Variants in CEP104 observed in about 807,000 individuals in gnomAD.
CEP104 encodes the protein centrosomal protein of 104 kDa.
A neutral mutation model predicts 113.3 loss-of-function variants in CEP104; 84 were observed. The observed-to-expected ratio is 0.74, with a 90% CI of 0.62 to 0.89. The LOEUF is 0.89. Among genes scored for constraint, CEP104 ranks in the 40% least tolerant of loss-of-function variants. CEP104 has a pLI of 0.00. For synonymous variants in CEP104, 378 were observed against 421.7 expected (o/e 0.90, Z 1.27); for missense variants, 1,053 against 1,156.6 (o/e 0.91, Z 1.30).
At chr1:3,832,337 C>T (rs567614068) in intron 12 of CEP104, among the ~76,000 whole-genome samples, 3 of 151,734 alleles carry the variant, frequency 2.0e-5, no homozygotes, top group Non-Finnish European at 4.4e-5. Flanking sequence ...TAGTGTAGGT[C>T]GTAACCAGGA....
At chr1:3,839,982 G>C (rs747868008) in intron 6 of CEP104, among the ~76,000 whole-genome samples, 1 of 152,164 alleles carries the variant, frequency 6.6e-6, no homozygotes, top group African/African-American at 2.4e-5. Flanking sequence ...TGACTCCAAA[G>C]CTCACGCTCT....
chr1:3,831,294 A>T, intron 12 of CEP104, 72 bp from the exon 13 acceptor site: 1 of 1,345,732 alleles, frequency 7.4e-7, no homozygotes, highest in Non-Finnish European at 1.0e-6. Flanking sequence ...ATTCAGCATG[A>T]TCTTAAACTA....
rs1173386682 is a variant in CEP104 at position 3,813,436 on chromosome 1, G to T, written c.*1966C>A. The T allele has an allele frequency of 6.6e-6, 1 of 150,902 alleles. No individual in the cohort carries two copies. The highest frequency in any genetic ancestry group is 6.6e-5 in the Admixed American group (1 of 15,174). 9.3% of individuals were successfully genotyped at this position (150,902 alleles called of 1,614,324 possible). A position where few individuals can be genotyped will look rare whatever the true frequency, so the allele number is the denominator to read the frequency against. On this transcript the variant is annotated 3_prime_UTR_variant, in exon 22 of 22. Transcript: ENST00000378230. The stretch of plus-strand genomic sequence containing the variant: ...ATTTTTGTATTTTTAGTAGAGATGG[G>T]GTTTCACCATGTTGGCCAGGCTGGT...
intron 2 of CEP104, among the ~76,000 whole-genome samples, chr1:3,849,987 C>T (rs138442009): frequency 6.6e-6 from 1 of 152,208 alleles, no homozygotes; most frequent in Non-Finnish European, 1.5e-5. Context: ...TATACAGATA[C>T]CTACTTGTGT....
At position 3,816,833 on chromosome 1, in the gene CEP104, T is replaced by G. The variant is rs150846576; in HGVS notation, c.2572-463A>C. Among the ~76,000 whole-genome samples, 135 of 152,400 alleles carry G rather than the reference T, an allele frequency of 8.9e-4. 1 individual carries two copies. Among genetic ancestry groups the G allele is most frequent in the African/African-American group, 3.1e-3 (131 of 41,602 alleles). On this transcript the variant is annotated intron_variant, in intron 20 of 21. Coordinates refer to ENST00000378230, the MANE Select transcript of CEP104 (RefSeq NM_014704.4). ...CCTGCTCTTCCTGAGCCACGCCACA[T>G]GCACTTGCCCTGCAGAATGTGGGGC...
intron 20 of CEP104, among the ~76,000 whole-genome samples, chr1:3,818,811 T>C (rs1006555765): frequency 6.6e-6 from 1 of 152,332 alleles, no homozygotes; most frequent in African/African-American, 2.4e-5. Context: ...CCAGAACTCT[T>C]TTCATTTTAC....
rs763378208 is a variant in CEP104 at position 3,845,265 on chromosome 1, G to A, written c.489+24C>T. 4.7e-6 allele frequency: 7 copies of A among 1,500,396 alleles called. No homozygotes were observed. In the East Asian group the frequency reaches 1.6e-4, roughly 34 times the overall value. 92.9% of individuals were successfully genotyped at this position (1,500,396 alleles called of 1,614,324 possible). ...CATTATAAATAGATTTACTTCCTTA[G>A]GAATTAAAACTTTCCAAACTTACAG... On this transcript the variant is annotated intron_variant, in intron 5 of 21. Transcript: ENST00000378230.
Position 3,831,206 on chromosome 1 carries a change from T to C in CEP104, c.1676A>G (p.Lys559Arg). ...AATAATTTGGAGAGACTTAACTTCT[T>C]TAAACAAGGCCATTTCCTATGAAAG... ...ANFIQEMALFKEVKSLQIIPS... is the reference protein window; with the variant it reads ...ANFIQEMALFREVKSLQIIPS... The change falls in exon 13 of 22, where the codon AAA becomes AGA. Residue 559 changes from lysine to arginine, a missense_variant. Lys to Arg is a conservative substitution (Grantham distance 26). Transcript: ENST00000378230. The C allele has an allele frequency of 6.2e-7, 1 of 1,613,394 alleles. No individual in the cohort carries two copies. The highest frequency in any genetic ancestry group is 8.5e-7 in the Non-Finnish European group (1 of 1,179,474).
Position 3,852,310 on chromosome 1 carries a change from CCACT to C in CEP104, c.94_97del (p.Ser32GlyfsTer24), listed in dbSNP as rs948728709. 6.2e-7 allele frequency: 1 copy of C among 1,613,852 alleles called. No individual in the cohort carries two copies. On this transcript the variant is annotated frameshift_variant, in exon 2 of 22. Transcript: ENST00000378230. LOFTEE classifies it high-confidence loss of function. ...CAGTCCTCACCTAGGTGACCGCCAC[CCACT>C]GACAGTTGGCGCGTGGATCATGAGC...
intron 1 of CEP104, among the ~76,000 whole-genome samples, chr1:3,852,973 A>G (rs1173325308): frequency 6.6e-6 from 1 of 152,224 alleles, no homozygotes; most frequent in Non-Finnish European, 1.5e-5. Context: ...CCTGCCCTAC[A>G]GCCTCCAGAG....
In CEP104 at chr1:3,844,983, C is replaced by G. The variant is rs140856596; in HGVS notation, c.490G>C (p.Ala164Pro). The G allele has an allele frequency of 5.0e-6, 8 of 1,613,538 alleles. No homozygotes were observed. Among genetic ancestry groups the G allele is most frequent in the East Asian group, 2.2e-5 (1 of 44,892 alleles). The change falls in exon 6 of 22, where the codon GCC becomes CCC. Residue 164 changes from alanine (A) to proline (P), a missense_variant and splice_region_variant. Ala to Pro is a conservative substitution (Grantham distance 27). Transcript: ENST00000378230. ...PADFSDESNT[A>P]SREKLIDHYL... Reference sequence around the variant, plus strand: ...TGGTCAATCAACTTCTCTCGAGAGGCCTTTGGGGGCAAAACATCTGCTTAG... The same window carrying G: ...TGGTCAATCAACTTCTCTCGAGAGGGCTTTGGGGGCAAAACATCTGCTTAG...
At chr1:3,834,099 G>C (rs1644266167) in intron 11 of CEP104, 64 bp from the exon 12 acceptor site, 2 of 1,296,348 alleles carry the variant, frequency 1.5e-6, no homozygotes, top group South Asian at 2.4e-5. Flanking sequence ...AGGAAACATG[G>C]CATTTACTAT....
chr1:3,852,721 C>T (rs569421821), intron 1 of CEP104, among the ~76,000 whole-genome samples: 6 of 152,272 alleles, frequency 3.9e-5, no homozygotes, highest in African/African-American at 9.6e-5. Context: ...CGTGTGGTAC[C>T]CGTGAAGGAG....
In CEP104 at chr1:3,823,820, C is replaced by A. The variant is rs557558686; in HGVS notation, c.2365-258G>T. ...GGGGCCACTGTCAAGGATGGGGAAGCTACGGTCGGCCTGAGTGTGAAGCTT... is the reference window on the plus strand; with the variant it reads ...GGGGCCACTGTCAAGGATGGGGAAGATACGGTCGGCCTGAGTGTGAAGCTT... On this transcript the variant is annotated intron_variant, in intron 18 of 21. Transcript: ENST00000378230. The surrounding 1 kb of genome is among the most constrained non-coding windows in gnomAD (Gnocchi z 4.1). Among the ~76,000 whole-genome samples the A allele has an allele frequency of 6.6e-6, 1 of 152,282 alleles. No individual in the cohort carries two copies.
At chr1:3,826,630 G>A in intron 16 of CEP104, 78 bp downstream of exon 16, 5 of 1,529,998 alleles carry the variant, frequency 3.3e-6, no homozygotes, top group Non-Finnish European at 3.6e-6. Context: ...TTCCCACATG[G>A]AGCTTCCATG....
chr1:3,819,644 C>T lies in CEP104; in HGVS notation c.2572-3274G>A, dbSNP rs1643933631. On this transcript the variant is annotated intron_variant, in intron 20 of 21. Coordinates refer to ENST00000378230, the MANE Select transcript of CEP104 (RefSeq NM_014704.4). This position sits in a 1 kb window ranked among gnomAD's most constrained non-coding sequence, Gnocchi z 4.6. ...AGGAGAAAGGGCAGGGGCCATTCAACTAGAACAGAAAGGAAACACTGGACA... is the reference window on the plus strand; with the variant it reads ...AGGAGAAAGGGCAGGGGCCATTCAATTAGAACAGAAAGGAAACACTGGACA... Among the ~76,000 whole-genome samples, 1 of 152,112 alleles carries T rather than the reference C, an allele frequency of 6.6e-6. No homozygotes were observed. Among genetic ancestry groups the T allele is most frequent in the African/African-American group, 2.4e-5 (1 of 41,418 alleles).
At chr1:3,840,350 C>T (rs1249673165) in intron 6 of CEP104, among the ~76,000 whole-genome samples, 2 of 152,046 alleles carry the variant, frequency 1.3e-5, no homozygotes, top group East Asian at 1.9e-4. Context: ...GATTCTCCTG[C>T]CTCAGCCTCC....
At position 3,845,278 on chromosome 1, in the gene CEP104, T is replaced by A; in HGVS notation, c.489+11A>T. On this transcript the variant is annotated intron_variant, in intron 5 of 21. Coordinates refer to ENST00000378230, the MANE Select transcript of CEP104 (RefSeq NM_014704.4). ...TTTACTTCCTTAGGAATTAAAACTT[T>A]CCAAACTTACAGTATTGCTTTCATC... The A allele has an allele frequency of 6.3e-7, 1 of 1,576,642 alleles. No homozygotes were observed. Among genetic ancestry groups the A allele is most frequent in the Non-Finnish European group, 8.7e-7 (1 of 1,154,738 alleles).
At chr1:3,836,854 A>C in intron 9 of CEP104, 162 bp from the exon 10 acceptor site, 1 of 611,558 alleles carries the variant, frequency 1.6e-6, no homozygotes, top group Non-Finnish European at 2.8e-6. Context: ...TATACAACAA[A>C]TAGGATGTAA....
Sources: allele counts gnomAD v4.1 joint callset (sites outside exome capture counted in the v4.1 genomes callset), GRCh38; gene constraint gnomAD v4.1.1; non-coding constraint Gnocchi (gnomAD v3.1); transcripts MANE v1.5; gene names NCBI Gene and HGNC (gene_info 2026-07-23, HGNC 2026-07-21).